ACP7: variants seen among roughly 807,000 people sequenced by gnomAD.
The protein encoded by ACP7 is acid phosphatase type 7.
ACP7 carries 58 observed loss-of-function variants against 60.6 expected under a neutral mutation model. The ratio of observed to expected loss-of-function variants is 0.96; its 90% CI spans 0.77 to 1.19. The LOEUF (loss-of-function observed/expected upper bound fraction) is 1.19, where lower values mean the gene tolerates loss of function less well. Ranked by LOEUF, ACP7 falls within the 50% of genes most tolerant of loss-of-function variation. ACP7 has a pLI of 0.00. For synonymous variants in ACP7, 237 were observed against 232.6 expected (o/e 1.02, Z -0.17); for missense variants, 574 against 596.2 (o/e 0.96, Z 0.39).
At chr19:39,091,971 C>G (rs935064845) in intron 2 of ACP7, among the ~76,000 whole-genome samples, 2 of 152,138 alleles carry the variant, frequency 1.3e-5, no homozygotes, top group Non-Finnish European at 2.9e-5. Flanking sequence ...TCCCTGATTT[C>G]AGCCCAGCAC....
intron 2 of ACP7, among the ~76,000 whole-genome samples, chr19:39,086,043 G>A (rs2073137486): frequency 6.6e-6 from 1 of 152,200 alleles, no homozygotes; most frequent in Admixed American, 6.6e-5. Context: ...CAGAACTGAG[G>A]CTGAGTGTGG....
At chr19:39,086,186 G>A (rs1028645682) in intron 2 of ACP7, among the ~76,000 whole-genome samples, 2 of 152,136 alleles carry the variant, frequency 1.3e-5, no homozygotes, top group Non-Finnish European at 2.9e-5. Flanking sequence ...ATCTTAGACA[G>A]GTGTGGTGGC....
chr19:39,100,897 C>T (rs777206365), intron 7 of ACP7, 44 bp downstream of exon 7: 5 of 1,609,686 alleles, frequency 3.1e-6, no homozygotes, highest in Non-Finnish European at 4.2e-6. Flanking sequence ...CCAGCCCCAC[C>T]TCCCCCTCCA....
At chr19:39,109,608 G>A (rs1040904201) in intron 12 of ACP7, among the ~76,000 whole-genome samples, 11 of 150,864 alleles carry the variant, frequency 7.3e-5, no homozygotes, top group African/African-American at 2.7e-4. Flanking sequence ...GGGAGGCTGG[G>A]GCAGGAGAAT....
chr19:39,091,932 A>C (rs2073208813), intron 2 of ACP7, among the ~76,000 whole-genome samples: 1 of 150,590 alleles, frequency 6.6e-6, no homozygotes, highest in Non-Finnish European at 1.5e-5. Flanking sequence ...AAAATAAAAA[A>C]ATTGAATTAC....
At chr19:39,103,322 G>T (rs7247444) in intron 11 of ACP7, among the ~76,000 whole-genome samples, 1 of 151,824 alleles carries the variant, frequency 6.6e-6, no homozygotes, top group Non-Finnish European at 1.5e-5. Context: ...TCCAACATGA[G>T]TGTTATTTAT....
intron 12 of ACP7, among the ~76,000 whole-genome samples, chr19:39,108,351 G>A (rs1225981818): frequency 6.6e-6 from 1 of 151,938 alleles, no homozygotes; most frequent in Non-Finnish European, 1.5e-5. Context: ...GTGTTGGCCA[G>A]AATGGTCTCG....
chr19:39,101,191 T>A lies in ACP7; in HGVS notation c.957T>A (p.Asp319Glu), dbSNP rs1667282636. 1 of 1,614,144 alleles carries A rather than the reference T, an allele frequency of 6.2e-7. No individual in the cohort carries two copies. The highest frequency in any genetic ancestry group is 8.5e-7 in the Non-Finnish European group (1 of 1,180,012). ...GLQGKLYGLE[D>E]LFYKYGVDLQ... ...AAGGCAAGCTGTACGGGTTGGAGGATCTTTTCTACAAATATGGTGAGCGAC... is the reference window on the plus strand; with the variant it reads ...AAGGCAAGCTGTACGGGTTGGAGGAACTTTTCTACAAATATGGTGAGCGAC... Residue 319 changes from aspartate to glutamate, a missense_variant, in exon 9 of 13, where the codon GAT becomes GAA. Transcript: ENST00000331256.
intron 1 of ACP7, among the ~76,000 whole-genome samples, 188 bp downstream of exon 1, chr19:39,084,588 T>C (rs1473308781): frequency 1.3e-5 from 2 of 151,078 alleles, no homozygotes; most frequent in African/African-American, 2.4e-5. Context: ...CATGATGGGC[T>C]CTAAAGGATC....
At chr19:39,092,847 G>T (rs1298753557) in intron 2 of ACP7, among the ~76,000 whole-genome samples, 1 of 140,764 alleles carries the variant, frequency 7.1e-6, no homozygotes, top group Non-Finnish European at 1.5e-5. Context: ...GTGTGATCTC[G>T]GCTCACTGCA....
chr19:39,100,122 A>C, intron 4 of ACP7, 105 bp from the exon 5 acceptor site: 8 of 1,477,258 alleles, frequency 5.4e-6, no homozygotes, highest in East Asian at 4.6e-5. Context: ...TGGCCTCCCG[A>C]AGCGCTGGGA....
At chr19:39,088,806 T>C (rs2073172794) in intron 2 of ACP7, among the ~76,000 whole-genome samples, 1 of 152,034 alleles carries the variant, frequency 6.6e-6, no homozygotes, top group African/African-American at 2.4e-5. Context: ...AGTGCAGTGG[T>C]GTGGTCTTGG....
rs368274770 is a variant in ACP7 at position 39,100,755 on chromosome 19, G to T, written c.709G>T (p.Ala237Ser). ...CTCCTCCAGCTGGGATCTGGGTCCC[G>T]CCCACATCATCTCCTTCTCCACCGA... ...GLWYSWDLGP[A>S]HIISFSTEVY... Residue 237 changes from alanine to serine, a missense_variant, in exon 7 of 13, where the codon GCC becomes TCC. Physicochemically the swap from Ala to Ser is moderately conservative, Grantham distance 99. Coordinates refer to ENST00000331256, the MANE Select transcript of ACP7 (RefSeq NM_001004318.3). 4 of 1,613,752 alleles carry T rather than the reference G, an allele frequency of 2.5e-6. No individual in the cohort carries two copies. Among genetic ancestry groups the T allele is most frequent in the African/African-American group, 2.7e-5 (2 of 74,856 alleles).
chr19:39,103,310 T>A (rs1270703081), intron 11 of ACP7, among the ~76,000 whole-genome samples: 1 of 152,198 alleles, frequency 6.6e-6, no homozygotes, highest in Non-Finnish European at 1.5e-5. Flanking sequence ...TGCGGGTTAT[T>A]ATCCAACATG....
chr19:39,093,590 T>C (rs539500333), intron 2 of ACP7, among the ~76,000 whole-genome samples: 26 of 152,168 alleles, frequency 1.7e-4, no homozygotes, highest in Non-Finnish European at 3.1e-4. Context: ...GGTTTCACCA[T>C]GTTGGCCAGG....
chr19:39,101,041 A>G lies in ACP7; in HGVS notation c.900A>G (p.Thr300=), dbSNP rs1432783839. ...YCSNADLDDC[T]RHESKVRKGL... ...CCAACGCAGATCTGGACGACTGCAC[A>G]CGACATGAAAGCAAGGTGAGGTCCC... The change falls in exon 8 of 13, where the codon ACA becomes ACG. Residue 300 remains threonine, a synonymous_variant. Coordinates refer to ENST00000331256, the MANE Select transcript of ACP7 (RefSeq NM_001004318.3). 1.2e-6 allele frequency: 2 copies of G among 1,614,068 alleles called. No homozygotes were observed. The highest frequency in any genetic ancestry group is 3.3e-5 in the Admixed American group (2 of 60,024).
chr19:39,084,053 T>C (rs2073112460), upstream of ACP7: 1 of 152,372 alleles, frequency 6.6e-6, no homozygotes, highest in Non-Finnish European at 1.5e-5. Flanking sequence ...CCCCAGCTGA[T>C]GAGTGGGCGC....
intron 12 of ACP7, among the ~76,000 whole-genome samples, chr19:39,107,644 G>A (rs2073426329): frequency 6.6e-6 from 1 of 151,414 alleles, no homozygotes; most frequent in African/African-American, 2.4e-5. Context: ...CCAGCACTTT[G>A]GGAGGCTGAG....
chr19:39,097,151 A>C (rs1194312331), intron 2 of ACP7, among the ~76,000 whole-genome samples: 2 of 152,162 alleles, frequency 1.3e-5, no homozygotes, highest in African/African-American at 2.4e-5. Flanking sequence ...AGAAAGAAGC[A>C]AAAGTGGAAA....
Sources: allele counts gnomAD v4.1 joint callset (sites outside exome capture counted in the v4.1 genomes callset), GRCh38; gene constraint gnomAD v4.1.1; transcripts MANE v1.5; gene names NCBI Gene and HGNC (gene_info 2026-07-23, HGNC 2026-07-21).